BBOF1: variants seen among roughly 807,000 people sequenced by gnomAD.
BBOF1 encodes the protein basal body-orientation factor 1.
In BBOF1, 62 loss-of-function variants were observed where a neutral mutation model predicts 68.0. The ratio of observed to expected loss-of-function variants is 0.91; its 90% CI spans 0.74 to 1.13. The LOEUF (loss-of-function observed/expected upper bound fraction) is 1.13, where lower values mean the gene tolerates loss of function less well. Among genes scored for constraint, BBOF1 ranks in the 50% most tolerant of loss-of-function variants. The pLI is 0.00. For missense variants in BBOF1, 534 were observed against 600.1 expected (o/e 0.89, Z 1.15); for synonymous variants, 208 against 198.8 (o/e 1.05, Z -0.39).
In BBOF1 at chr14:74,057,163, G is replaced by C; in HGVS notation, c.1483G>C (p.Asp495His). 6.2e-7 allele frequency: 1 copy of C among 1,612,646 alleles called. No individual in the cohort carries two copies. Among genetic ancestry groups the C allele is most frequent in the Non-Finnish European group, 8.5e-7 (1 of 1,178,886 alleles). Residue 495 changes from aspartate (D) to histidine (H), a missense_variant, in exon 11 of 12, where the codon GAT (aspartate) becomes CAT (histidine). Asp to His is a moderately conservative substitution (Grantham distance 81). Coordinates refer to ENST00000394009, the MANE Select transcript of BBOF1 (RefSeq NM_025057.3). ...TTGCAGGGATGAAAGTAAGCTTCAA[G>C]ATAAAATCTTCATCACCCAGCAAAT... Reference protein sequence around the residue: ...KEFGDESKLQDKIFITQQIAI... With the variant: ...KEFGDESKLQHKIFITQQIAI...
At chr14:74,079,539 TCTCCTG>T (rs1202565771) in intron 10 of BBOF1, among the ~76,000 whole-genome samples, 1 of 151,884 alleles carries the variant, frequency 6.6e-6, no homozygotes, top group Non-Finnish European at 1.5e-5. Flanking sequence ...GTTCACACCT[TCTCCTG>T]CCTCAGCCTC....
In BBOF1 at chr14:74,049,720, G is replaced by A; in HGVS notation, c.811G>A (p.Val271Ile). 6.2e-7 allele frequency: 1 copy of A among 1,605,460 alleles called. No homozygotes were observed. Among genetic ancestry groups the A allele is most frequent in the Non-Finnish European group, 8.5e-7 (1 of 1,176,662 alleles). Residue 271 changes from valine to isoleucine, a missense_variant, in exon 8 of 12, where the codon GTT becomes ATT. Coordinates refer to ENST00000394009, the MANE Select transcript of BBOF1 (RefSeq NM_025057.3). ...LHQKEINDLLVKEKIMQLVQQ... is the reference protein window; with the variant it reads ...LHQKEINDLLIKEKIMQLVQQ... ...TTTTTAGGAGATCAATGATCTGTTG[G>A]TTAAGGAAAAGATTATGCAACTTGT...
At chr14:74,060,645 A>ACGGCCTAC (rs1274066630) in intron 11 of BBOF1, 9 of 1,607,072 alleles carry the variant, frequency 5.6e-6, no homozygotes, top group Non-Finnish European at 7.7e-6. Context: ...CTTGTTTCTA[A>ACGGCCTAC]CGGCCCATGG....
intron 8 of BBOF1, 198 bp from the exon 9 acceptor site, chr14:74,055,386 T>A (rs886434071): frequency 4.2e-6 from 2 of 471,252 alleles, no homozygotes; most frequent in African/African-American, 2.0e-5. Flanking sequence ...TGACCTCAGA[T>A]GATCCACCCG....
At chr14:74,068,727 G>C (rs2060507122), downstream of BBOF1, 1 of 1,069,740 alleles carries the variant, frequency 9.3e-7, no homozygotes, top group African/African-American at 1.8e-5. Context: ...TGGTGACAGA[G>C]AGACTCTGTC....
chr14:74,069,302 C>T (rs1270639129), downstream of BBOF1: 1 of 343,556 alleles, frequency 2.9e-6, no homozygotes, highest in East Asian at 7.8e-5. Context: ...CGGGGTTTCA[C>T]AATCTTGGCC....
intron 11 of BBOF1, among the ~76,000 whole-genome samples, chr14:74,061,170 G>A (rs1309777742): frequency 6.6e-6 from 1 of 151,930 alleles, no homozygotes; most frequent in East Asian, 1.9e-4. Context: ...TGGAGATGGG[G>A]TTTCACCATG....
At chr14:74,029,274 C>T in intron 3 of BBOF1, 25 bp downstream of exon 3, 1 of 1,420,312 alleles carries the variant, frequency 7.0e-7, no homozygotes. Context: ...TGTACTAATA[C>T]TCCACTTACT....
chr14:74,034,512 T>C (rs977070551), intron 4 of BBOF1, among the ~76,000 whole-genome samples: 1 of 152,062 alleles, frequency 6.6e-6, no homozygotes, highest in African/African-American at 2.4e-5. Context: ...TAAAGAAAAA[T>C]GTTTAGGCTG....
At chr14:74,071,564 T>C in intron 9 of BBOF1, 4 of 1,611,082 alleles carry the variant, frequency 2.5e-6, no homozygotes, top group African/African-American at 1.3e-5. Context: ...CCTGTTCTCT[T>C]CAGCCCTGAG....
In BBOF1 at chr14:74,046,149, C is replaced by G. The variant is rs750535152; in HGVS notation, c.647+19C>G. 16 of 1,578,274 alleles carry G rather than the reference C, an allele frequency of 1.0e-5. No homozygotes were observed. Among genetic ancestry groups the G allele is most frequent in the Middle Eastern group, 1.7e-4 (1 of 5,980 alleles). On this transcript the variant is annotated intron_variant, in intron 6 of 11. Coordinates refer to ENST00000394009, the MANE Select transcript of BBOF1 (RefSeq NM_025057.3). ...CTATTGTGTAAGAGACTGCTGCCTA[C>G]TTTCTGACTCTGATTACCTCTCTTA...
chr14:74,022,829 T>A, intron 1 of BBOF1, 87 bp from the exon 2 acceptor site: 1 of 535,162 alleles, frequency 1.9e-6, no homozygotes, highest in Non-Finnish European at 3.0e-6. Flanking sequence ...GAGAAAAATT[T>A]AATAGTAATA....
At chr14:74,081,759 A>G (rs1172545514) in intron 12 of BBOF1, among the ~76,000 whole-genome samples, 1 of 152,196 alleles carries the variant, frequency 6.6e-6, no homozygotes, top group African/African-American at 2.4e-5. Context: ...TTGCAGTACA[A>G]TAAAGGAGCT....
chr14:74,034,926 C>CA (rs1022440047), intron 4 of BBOF1, among the ~76,000 whole-genome samples: 4 of 151,840 alleles, frequency 2.6e-5, no homozygotes, highest in Admixed American at 2.6e-4. Context: ...CCCAACTCTA[C>CA]AAAAAAATGT....
chr14:74,029,403 C>T (rs1288883275), intron 3 of BBOF1, among the ~76,000 whole-genome samples, 154 bp downstream of exon 3: 5 of 152,086 alleles, frequency 3.3e-5, no homozygotes, highest in Non-Finnish European at 5.9e-5. Context: ...AAAAACCAGG[C>T]TGGGCATGAT....
intron 10 of BBOF1, among the ~76,000 whole-genome samples, chr14:74,078,512 C>T (rs980302886): frequency 1.3e-5 from 2 of 152,012 alleles, no homozygotes; most frequent in African/African-American, 4.8e-5. Context: ...TACCACCACA[C>T]CCAGCTAATT....
At chr14:74,068,730 ACT>A (rs763319572), downstream of BBOF1, 14 of 1,087,734 alleles carry the variant, frequency 1.3e-5, no homozygotes, top group Non-Finnish European at 1.7e-5. Flanking sequence ...TGACAGAGAG[ACT>A]CTGTCTCAAA....
intron 1 of BBOF1, 103 bp downstream of exon 1, chr14:74,019,637 T>C: frequency 2.0e-6 from 3 of 1,507,726 alleles, no homozygotes; most frequent in Non-Finnish European, 2.7e-6. Context: ...ACTCGGACCC[T>C]CTCCCCGGCT....
chr14:74,066,018 C>G lies in BBOF1; in HGVS notation c.*1319C>G, dbSNP rs1250682128. On this transcript the variant is annotated 3_prime_UTR_variant, in exon 12 of 12. Transcript: ENST00000394009. ...AGGATATATGAATTTCAAAAAATGC[C>G]TCATAACCTCAATTTTTAAGTCATG... 1 of 154,516 alleles carries G rather than the reference C, an allele frequency of 6.5e-6. No individual in the cohort carries two copies. The highest frequency in any genetic ancestry group is 2.4e-5 in the African/African-American group (1 of 41,422). 9.6% of individuals were successfully genotyped at this position (154,516 alleles called of 1,614,324 possible). A position where few individuals can be genotyped will look rare whatever the true frequency, so the allele number is the denominator to read the frequency against.
Sources: gnomAD v4.1 joint callset for allele counts (sites outside exome capture counted in the v4.1 genomes callset) on GRCh38, gnomAD v4.1.1 for gene constraint, MANE v1.5 for transcripts, NCBI Gene and HGNC (gene_info 2026-07-23, HGNC 2026-07-21) for gene names.